The following DNAJC1 variants were observed in gnomAD, a reference collection of about 807,000 sequenced individuals.
The protein encoded by DNAJC1 is DnaJ heat shock protein family (Hsp40) member C1, also known as dnaJ homolog subfamily C member 1.
In DNAJC1, 58 loss-of-function variants were observed where a neutral mutation model predicts 76.6. That is an observed-to-expected ratio of 0.76 (90% CI 0.61 to 0.94). DNAJC1 has a LOEUF of 0.94. Ranked by LOEUF, DNAJC1 falls within the 40% of genes least tolerant of loss-of-function variation. The pLI is 0.00. For synonymous variants in DNAJC1, 258 were observed against 267.9 expected (o/e 0.96, Z 0.36); for missense variants, 689 against 677.3 (o/e 1.02, Z -0.19).
At position 21,882,417 on chromosome 10, in the gene DNAJC1, T is replaced by C. The variant is rs1270993151; in HGVS notation, c.843A>G (p.Pro281=). The stretch of plus-strand genomic sequence containing the variant: ...GTGTGTATACAGGAAATTCAGGTTT[T>C]GGTTTTTTAACTTTCTTCTGTTCTA... ...TLQKQKKVKK[P]KPEFPVYTPL... is the part of the protein sequence containing the mutation. Residue 281 remains proline, a synonymous_variant, in exon 8 of 12, where the codon CCA becomes CCG. Coordinates refer to ENST00000376980, the MANE Select transcript of DNAJC1 (RefSeq NM_022365.4). 2.6e-6 allele frequency: 4 copies of C among 1,515,746 alleles called. No homozygotes were observed. Among genetic ancestry groups the C allele is most frequent in the Non-Finnish European group, 2.6e-6 (3 of 1,138,462 alleles). 93.9% of individuals were successfully genotyped at this position (1,515,746 alleles called of 1,614,324 possible). A position where few individuals can be genotyped will look rare whatever the true frequency, so the allele number is the denominator to read the frequency against.
At chr10:21,775,353 T>C (rs1834440995) in intron 9 of DNAJC1, among the ~76,000 whole-genome samples, 1 of 150,790 alleles carries the variant, frequency 6.6e-6, no homozygotes, top group African/African-American at 2.4e-5. Flanking sequence ...TTTTTTTTTT[T>C]TTTAGAATTT....
At chr10:21,977,091 T>G (rs1421225859) in intron 1 of DNAJC1, among the ~76,000 whole-genome samples, 1 of 152,104 alleles carries the variant, frequency 6.6e-6, no homozygotes, top group Non-Finnish European at 1.5e-5. Flanking sequence ...TGTACGTAGG[T>G]AGAGAACATG....
intron 9 of DNAJC1, chr10:21,803,944 ATATC>A: frequency 1.0e-6 from 1 of 984,996 alleles, no homozygotes; most frequent in Non-Finnish European, 1.2e-6. Context: ...AAGGGAAAAA[ATATC>A]TATTGCAGAC....
intron 6 of DNAJC1, among the ~76,000 whole-genome samples, chr10:21,910,876 GGAGA>G (rs1180505747): frequency 7.7e-6 from 1 of 129,380 alleles, no homozygotes; most frequent in African/African-American, 2.7e-5. Flanking sequence ...GGAGAGGAGA[GGAGA>G]GGAGGAAGGA....
chr10:21,810,918 T>C (rs1279201065), intron 8 of DNAJC1, among the ~76,000 whole-genome samples: 1 of 152,242 alleles, frequency 6.6e-6, no homozygotes, highest in Non-Finnish European at 1.5e-5. Flanking sequence ...ATATGTTTTG[T>C]TCAGTGCCTA....
intron 1 of DNAJC1, among the ~76,000 whole-genome samples, chr10:21,947,593 T>A (rs1739481990): frequency 6.6e-6 from 1 of 152,228 alleles, no homozygotes. Flanking sequence ...TTTATGTTAG[T>A]GGTAGGCTAC....
At chr10:21,930,534 T>C (rs1350729243) in intron 1 of DNAJC1, among the ~76,000 whole-genome samples, 1 of 152,226 alleles carries the variant, frequency 6.6e-6, no homozygotes, top group Non-Finnish European at 1.5e-5. Flanking sequence ...CTATAATTAG[T>C]CTGTCAGGCT....
intron 8 of DNAJC1, among the ~76,000 whole-genome samples, chr10:21,829,535 A>G (rs1471906076): frequency 6.6e-6 from 1 of 151,892 alleles, no homozygotes; most frequent in Admixed American, 6.6e-5. Flanking sequence ...TATTTTTACT[A>G]GAGACGGGAT....
At chr10:21,927,253 G>C (rs1837143148) in intron 3 of DNAJC1, among the ~76,000 whole-genome samples, 1 of 152,180 alleles carries the variant, frequency 6.6e-6, no homozygotes, top group Non-Finnish European at 1.5e-5. Flanking sequence ...TTGAATCCCT[G>C]TGCTTTGCAA....
chr10:21,952,424 G>C (rs537988259), intron 1 of DNAJC1, among the ~76,000 whole-genome samples: 45 of 152,114 alleles, frequency 3.0e-4, no homozygotes, highest in South Asian at 1.2e-3. Context: ...TTGTGTACTA[G>C]TAGAAAAGTA....
intron 9 of DNAJC1, among the ~76,000 whole-genome samples, chr10:21,771,262 T>C (rs992620817): frequency 3.3e-5 from 5 of 152,222 alleles, no homozygotes; most frequent in African/African-American, 1.2e-4. Flanking sequence ...CTTCTTTTTT[T>C]CCATCTTATT....
chr10:21,815,051 C>T (rs145686436), intron 8 of DNAJC1, among the ~76,000 whole-genome samples: 35 of 152,326 alleles, frequency 2.3e-4, no homozygotes, highest in Admixed American at 8.5e-4. Context: ...CTAGAAAGCA[C>T]TGTGGCTAGG....
intron 8 of DNAJC1, among the ~76,000 whole-genome samples, chr10:21,880,263 T>C (rs1208773524): frequency 6.6e-6 from 1 of 152,216 alleles, no homozygotes. Context: ...CCCAAAGTCA[T>C]CCATGAGGAT....
chr10:21,862,807 TC>T (rs1482134903), intron 8 of DNAJC1, among the ~76,000 whole-genome samples: 1 of 151,956 alleles, frequency 6.6e-6, no homozygotes, highest in Non-Finnish European at 1.5e-5. Context: ...AGTTCTCAAA[TC>T]AACCTAATCT....
intron 9 of DNAJC1, among the ~76,000 whole-genome samples, chr10:21,799,102 A>G (rs1331707385): frequency 6.6e-6 from 1 of 152,240 alleles, no homozygotes; most frequent in Non-Finnish European, 1.5e-5. Context: ...TGTAAAACAT[A>G]TAAAATGTTT....
chr10:21,962,639 TTTTC>T (rs1457182424), intron 1 of DNAJC1, among the ~76,000 whole-genome samples: 2 of 150,110 alleles, frequency 1.3e-5, no homozygotes, highest in Admixed American at 6.7e-5. Context: ...AGCTAATTTT[TTTTC>T]TTTTTCTTTT....
At chr10:21,898,832 T>C (rs1836593526) in intron 7 of DNAJC1, among the ~76,000 whole-genome samples, 1 of 150,606 alleles carries the variant, frequency 6.6e-6, no homozygotes, top group South Asian at 2.1e-4. Flanking sequence ...TTCCTTCTAC[T>C]TACTAAAAAA....
chr10:21,862,233 A>G (rs1432634356), intron 8 of DNAJC1, among the ~76,000 whole-genome samples: 3 of 151,470 alleles, frequency 2.0e-5, no homozygotes, highest in African/African-American at 4.9e-5. Flanking sequence ...CTTTCTTAAT[A>G]AACTTGCTTT....
At chr10:21,989,486 G>A (rs968854450) in intron 1 of DNAJC1, among the ~76,000 whole-genome samples, 1 of 152,134 alleles carries the variant, frequency 6.6e-6, no homozygotes, top group African/African-American at 2.4e-5. Flanking sequence ...GTAGGCAGAC[G>A]AAACCAGAAG....
Sources: allele counts gnomAD v4.1 joint callset (sites outside exome capture counted in the v4.1 genomes callset), GRCh38; gene constraint gnomAD v4.1.1; transcripts MANE v1.5; gene names NCBI Gene and HGNC (gene_info 2026-07-23, HGNC 2026-07-21).